Variants in NPEPPS observed in about 807,000 individuals in gnomAD.
The protein encoded by NPEPPS is puromycin-sensitive aminopeptidase.
Under a neutral mutation model 115.5 loss-of-function variants are expected in NPEPPS, and 14 were observed. The observed-to-expected ratio is 0.12, with a 90% confidence interval of 0.08 to 0.19. NPEPPS has a LOEUF of 0.19. Among genes scored for constraint, NPEPPS ranks in the 10% least tolerant of loss-of-function variants. The pLI is 1.00. For synonymous variants in NPEPPS, 285 were observed against 390.6 expected (o/e 0.73, Z 3.19); for missense variants, 523 against 1,110.8 (o/e 0.47, Z 7.52).
intron 3 of NPEPPS, among the ~76,000 whole-genome samples, chr17:47,572,987 G>A (rs1351791694): frequency 6.6e-6 from 1 of 152,124 alleles, no homozygotes; most frequent in Non-Finnish European, 1.5e-5. Context: ...TGTTGGCCAG[G>A]CTGGTCTCGA....
In NPEPPS at chr17:47,623,032, C is replaced by T; in HGVS notation, c.*1112C>T. On this transcript the variant is annotated 3_prime_UTR_variant, in exon 23 of 23. Transcript: ENST00000322157. ...CAACAGTATATCCTAATAAGCCTCA[C>T]CTATTTAATCCAATGAGTTTTAAAT... The T allele has an allele frequency of 2.7e-6, 1 of 368,356 alleles. No individual in the cohort carries two copies. The highest frequency in any genetic ancestry group is 2.2e-5 in the African/African-American group (1 of 46,046). The allele number at this position is 368,356 out of a possible 1,614,324, so 22.8% of individuals were successfully genotyped here. A position where few individuals can be genotyped will look rare whatever the true frequency, so the allele number is the denominator to read the frequency against.
chr17:47,559,590 C>G (rs1200106171), intron 2 of NPEPPS: 1 of 454,026 alleles, frequency 2.2e-6, no homozygotes, highest in Non-Finnish European at 4.4e-6. Flanking sequence ...GTTACTAATA[C>G]TTAAGGTTCA....
chr17:47,546,073 T>TGTGAGTGTGAGA, intron 2 of NPEPPS, 80 bp downstream of exon 2: 1 of 1,263,778 alleles, frequency 7.9e-7, no homozygotes, highest in South Asian at 1.7e-5. Context: ...TGTGTGTGTG[T>TGTGAGTGTGAGA]GAGAGAGAGA....
At chr17:47,615,354 GCATGAGCCAC>G (rs1193392164) in intron 19 of NPEPPS, among the ~76,000 whole-genome samples, 2 of 152,134 alleles carry the variant, frequency 1.3e-5, no homozygotes, top group Non-Finnish European at 2.9e-5. Flanking sequence ...GGGATTATAG[GCATGAGCCAC>G]CATGTCTGGC....
rs1914029905 is a variant in NPEPPS, at chr17:47,613,900, T to G, written c.2295+175T>G. 3.7e-5 allele frequency among the ~76,000 whole-genome samples: 5 copies of G among 136,598 alleles called. No homozygotes were observed. In the South Asian group the frequency reaches 1.2e-3, roughly 31 times the overall value. 89.6% of individuals were successfully genotyped at this position (136,598 alleles called of 152,430 possible). A position where few individuals can be genotyped will look rare whatever the true frequency, so the allele number is the denominator to read the frequency against. ...TGTCTATCCATATATGTTATATCAG[T>G]ATTATCAGTATGATGCCAAAGACAT... On this transcript the variant is annotated intron_variant, in intron 19 of 22. Transcript: ENST00000322157.
intron 2 of NPEPPS, chr17:47,559,789 A>G (rs1910310953): frequency 2.5e-6 from 1 of 403,396 alleles, no homozygotes; most frequent in Admixed American, 3.1e-5. Context: ...TCTAATAGAG[A>G]TAGAGTCTCA....
At chr17:47,568,418 G>A (rs1003944307) in intron 2 of NPEPPS, among the ~76,000 whole-genome samples, 3 of 152,010 alleles carry the variant, frequency 2.0e-5, no homozygotes, top group East Asian at 1.9e-4. Flanking sequence ...TGATCCACAC[G>A]CCTCGGCCTC....
intron 17 of NPEPPS, 49 bp downstream of exon 17, chr17:47,605,601 T>C (rs1481993435): frequency 1.8e-6 from 2 of 1,113,270 alleles, no homozygotes; most frequent in Non-Finnish European, 2.6e-6. Context: ...GTTGGTACTT[T>C]TTTATGTGGT....
chr17:47,581,650 G>A (rs1168137710), intron 4 of NPEPPS: 1 of 151,808 alleles, frequency 6.6e-6, no homozygotes, highest in Non-Finnish European at 1.5e-5. Context: ...ATGTTTTTGA[G>A]AATATAGTCA....
At chr17:47,572,105 C>T (rs1327595653) in intron 3 of NPEPPS, among the ~76,000 whole-genome samples, 1 of 151,984 alleles carries the variant, frequency 6.6e-6, no homozygotes, top group Non-Finnish European at 1.5e-5. Context: ...AAAGCTAGAA[C>T]ACAAAGACAC....
intron 10 of NPEPPS, among the ~76,000 whole-genome samples, chr17:47,591,311 C>T (rs1312516054): frequency 3.3e-5 from 5 of 151,830 alleles, no homozygotes; most frequent in East Asian, 1.9e-4. Flanking sequence ...GCAGAGGTTG[C>T]GGTGAGCCGA....
At chr17:47,593,380 G>A (rs1401168376) in intron 12 of NPEPPS, among the ~76,000 whole-genome samples, 2 of 152,098 alleles carry the variant, frequency 1.3e-5, no homozygotes, top group African/African-American at 4.8e-5. Flanking sequence ...AACATAGCGA[G>A]ACCCCACCTC....
At chr17:47,620,656 A>G (rs890698454) in intron 22 of NPEPPS, among the ~76,000 whole-genome samples, 8 of 152,188 alleles carry the variant, frequency 5.3e-5, no homozygotes, top group South Asian at 2.1e-4. Flanking sequence ...AACAGTAGCA[A>G]TTGTCATCTG....
At chr17:47,591,383 A>G (rs1350454163) in intron 10 of NPEPPS, among the ~76,000 whole-genome samples, 2 of 152,234 alleles carry the variant, frequency 1.3e-5, no homozygotes, top group Non-Finnish European at 2.9e-5. Context: ...AAAAAAAAGA[A>G]AAAGAATAGT....
chr17:47,605,914 G>C (rs1169560356), intron 17 of NPEPPS, among the ~76,000 whole-genome samples: 2 of 152,028 alleles, frequency 1.3e-5, no homozygotes, highest in Non-Finnish European at 2.9e-5. Flanking sequence ...TTTCATTCTT[G>C]TTGCCTAGGC....
intron 1 of NPEPPS, among the ~76,000 whole-genome samples, chr17:47,536,725 T>G (rs1908322030): frequency 1.9e-5 from 2 of 103,464 alleles, no homozygotes; most frequent in African/African-American, 3.0e-5. Context: ...TTTTTTTTTT[T>G]TTTGAGACGG....
chr17:47,548,855 G>C (rs1322138758), intron 2 of NPEPPS, among the ~76,000 whole-genome samples: 8 of 151,918 alleles, frequency 5.3e-5, no homozygotes, highest in Admixed American at 2.0e-4. Context: ...GATTACAGGC[G>C]TGAGCCACTG....
Position 47,540,316 on chromosome 17 carries a change from T to A in NPEPPS, c.256-5593T>A, listed in dbSNP as rs758043303. ...AGCTTGTTATCAGTGCACTTTTATA[T>A]GCCAACCTTGTTTCACTTGTGTTTT... On this transcript the variant is annotated intron_variant, in intron 1 of 22. Coordinates refer to ENST00000322157, the MANE Select transcript of NPEPPS (RefSeq NM_006310.4). Among the ~76,000 whole-genome samples the A allele has an allele frequency of 3.2e-3, 482 of 152,208 alleles. 3 individuals are homozygous for A. The highest frequency in any genetic ancestry group is 4.9e-3 in the Non-Finnish European group (334 of 67,998).
At chr17:47,541,371 GTT>G (rs1749578849) in intron 1 of NPEPPS, among the ~76,000 whole-genome samples, 1 of 151,174 alleles carries the variant, frequency 6.6e-6, no homozygotes, top group Non-Finnish European at 1.5e-5. Context: ...ATTTCTTTGT[GTT>G]TCTGATTTTT....
Sources: allele counts gnomAD v4.1 joint callset (sites outside exome capture counted in the v4.1 genomes callset), GRCh38; gene constraint gnomAD v4.1.1; transcripts MANE v1.5; gene names NCBI Gene and HGNC (gene_info 2026-07-23, HGNC 2026-07-21).